Variants in ADGRL3 observed in about 807,000 individuals in gnomAD.
ADGRL3 encodes adhesion G protein-coupled receptor L3, also known as calcium-independent alpha-latrotoxin receptor 3.
A neutral mutation model predicts 153.5 loss-of-function variants in ADGRL3; 62 were observed. The observed-to-expected ratio is 0.40, with a 90% CI of 0.33 to 0.50. The LOEUF (loss-of-function observed/expected upper bound fraction) is 0.50. ADGRL3 is among the 20% of genes least tolerant of loss of function. The pLI, the probability that ADGRL3 is intolerant of heterozygous loss-of-function variation, is 0.47. For missense variants in ADGRL3, 1,641 were observed against 1,859.4 expected (o/e 0.88, Z 2.16); for synonymous variants, 710 against 672.5 (o/e 1.06, Z -0.86).
intron 22 of ADGRL3, among the ~76,000 whole-genome samples, chr4:62,030,781 A>G (rs919771721): frequency 6.6e-6 from 1 of 151,526 alleles, no homozygotes; most frequent in African/African-American, 2.4e-5. Flanking sequence ...CTACTACAGC[A>G]TACCATAGAA....
At chr4:61,408,709 T>A (rs999227559) in intron 2 of ADGRL3, among the ~76,000 whole-genome samples, 1 of 152,118 alleles carries the variant, frequency 6.6e-6, no homozygotes, top group Non-Finnish European at 1.5e-5. Flanking sequence ...ATTTTAAAGC[T>A]CTTAAAATTA....
chr4:61,767,730 G>A (rs2097015507), intron 8 of ADGRL3, among the ~76,000 whole-genome samples: 1 of 152,158 alleles, frequency 6.6e-6, no homozygotes, highest in Non-Finnish European at 1.5e-5. Context: ...TTGGCCCAGT[G>A]GCCAGATTTC....
intron 25 of ADGRL3, among the ~76,000 whole-genome samples, chr4:62,057,100 C>A (rs549401393): frequency 1.4e-4 from 21 of 152,120 alleles, no homozygotes; most frequent in African/African-American, 4.3e-4. Context: ...CTTTTGTTAG[C>A]CTGCTGTCAA....
At chr4:61,957,549 GTATTTATT>G (rs58620707) in intron 17 of ADGRL3, among the ~76,000 whole-genome samples, 8,897 of 144,396 alleles carry the variant, frequency 0.062, 363 homozygotes, top group East Asian at 0.18. Flanking sequence ...TTACATTTAT[GTATTTATT>G]TATTTATTTA....
At position 62,070,136 on chromosome 4, in the gene ADGRL3, C is replaced by A. The variant is rs1745099889; in HGVS notation, c.3860C>A (p.Thr1287Lys). 1.2e-6 allele frequency: 2 copies of A among 1,613,840 alleles called. No homozygotes were observed. Among genetic ancestry groups the A allele is most frequent in the Non-Finnish European group, 1.7e-6 (2 of 1,179,880 alleles). ...TKGLLNNARD[T>K]SVMDTLPLNG... ...GGGCTTCTGAACAATGCCAGGGATA[C>A]AAGTGTCATGGATACTCTACCACTG... Residue 1287 changes from threonine (T) to lysine (K), a missense_variant, in exon 27 of 27, where the codon ACA (threonine) becomes AAA (lysine). Coordinates refer to ENST00000683033, the MANE Select transcript of ADGRL3 (RefSeq NM_001387552.1).
At chr4:61,607,381 G>A (rs1294502444) in intron 5 of ADGRL3, among the ~76,000 whole-genome samples, 2 of 152,124 alleles carry the variant, frequency 1.3e-5, no homozygotes, top group African/African-American at 2.4e-5. Context: ...GGCGGATTAC[G>A]AGGTCAGGAG....
chr4:61,397,002 A>G (rs927959886), intron 2 of ADGRL3, among the ~76,000 whole-genome samples: 16 of 151,234 alleles, frequency 1.1e-4, no homozygotes, highest in Admixed American at 1.1e-3. Flanking sequence ...GGTTCAGGAA[A>G]ATAAAGGTTT....
At chr4:61,373,754 T>C (rs2096569491) in intron 1 of ADGRL3, among the ~76,000 whole-genome samples, 2 of 152,208 alleles carry the variant, frequency 1.3e-5, no homozygotes, top group African/African-American at 2.4e-5. Context: ...ACATCCATTA[T>C]TTTTAAAAAG....
At chr4:61,608,737 T>G (rs2099042442) in intron 5 of ADGRL3, among the ~76,000 whole-genome samples, 1 of 152,194 alleles carries the variant, frequency 6.6e-6, no homozygotes, top group Non-Finnish European at 1.5e-5. Flanking sequence ...GAATTTACTA[T>G]AACTTTTATT....
intron 17 of ADGRL3, among the ~76,000 whole-genome samples, chr4:61,969,514 C>A (rs2099019133): frequency 6.7e-6 from 1 of 150,320 alleles, no homozygotes; most frequent in Non-Finnish European, 1.5e-5. Context: ...GTTGTTTAGC[C>A]TTTTTTTTTC....
intron 13 of ADGRL3, among the ~76,000 whole-genome samples, chr4:61,918,806 A>G (rs2098755724): frequency 6.6e-6 from 1 of 152,134 alleles, no homozygotes; most frequent in Admixed American, 6.6e-5. Context: ...ATATCTAAAC[A>G]TTTTTGCCCA....
At chr4:61,575,167 A>C (rs2098865164) in intron 4 of ADGRL3, among the ~76,000 whole-genome samples, 1 of 151,950 alleles carries the variant, frequency 6.6e-6, no homozygotes, top group Non-Finnish European at 1.5e-5. Context: ...TTGAGATTTT[A>C]ATCATCCTTT....
chr4:61,305,215 T>A (rs894411213), intron 1 of ADGRL3, among the ~76,000 whole-genome samples: 7 of 152,080 alleles, frequency 4.6e-5, no homozygotes, highest in African/African-American at 1.7e-4. Context: ...ATAAATAAGA[T>A]ACACTATTAT....
intron 1 of ADGRL3, among the ~76,000 whole-genome samples, chr4:61,223,106 A>AT (rs1037102243): frequency 4.2e-4 from 63 of 151,502 alleles, no homozygotes; most frequent in Admixed American, 2.0e-3. Context: ...TGACTGTCAG[A>AT]TTTTTTTTTG....
chr4:61,768,025 C>T (rs2097021756), intron 8 of ADGRL3, among the ~76,000 whole-genome samples: 4 of 151,948 alleles, frequency 2.6e-5, no homozygotes, highest in Admixed American at 2.6e-4. Context: ...GCCTTTTGAC[C>T]TTTTAGGGGC....
At chr4:62,003,444 T>C (rs1428140810) in intron 21 of ADGRL3, among the ~76,000 whole-genome samples, 3 of 152,278 alleles carry the variant, frequency 2.0e-5, no homozygotes, top group African/African-American at 4.8e-5. Context: ...GGTTTGAATT[T>C]CTGTTCAGTC....
At chr4:61,896,817 A>T (rs760329893) in intron 11 of ADGRL3, among the ~76,000 whole-genome samples, 40 of 152,146 alleles carry the variant, frequency 2.6e-4, no homozygotes, top group Non-Finnish European at 5.7e-4. Flanking sequence ...ATGTCCTTTG[A>T]TTTTATTACA....
At chr4:61,302,651 A>T (rs953001179) in intron 1 of ADGRL3, among the ~76,000 whole-genome samples, 1 of 152,230 alleles carries the variant, frequency 6.6e-6, no homozygotes, top group African/African-American at 2.4e-5. Flanking sequence ...GCATATTAAT[A>T]TTTTAAAATA....
chr4:61,349,942 C>T (rs1281667569), intron 1 of ADGRL3, among the ~76,000 whole-genome samples: 1 of 152,126 alleles, frequency 6.6e-6, no homozygotes, highest in African/African-American at 2.4e-5. Flanking sequence ...TATAAACATG[C>T]ATTAATTCTT....
Sources: gnomAD v4.1 joint callset for allele counts (sites outside exome capture counted in the v4.1 genomes callset) on GRCh38, gnomAD v4.1.1 for gene constraint, MANE v1.5 for transcripts, NCBI Gene and HGNC (gene_info 2026-07-23, HGNC 2026-07-21) for gene names.